The following LPCAT1 variants were observed in gnomAD, a reference collection of about 807,000 sequenced individuals.
The protein encoded by LPCAT1 is 1-acylglycerol-3-phosphate O-acyltransferase.
Under a neutral mutation model 60.9 loss-of-function variants are expected in LPCAT1, and 23 were observed. That is an observed-to-expected ratio of 0.38 (90% CI 0.27 to 0.53). The LOEUF (loss-of-function observed/expected upper bound fraction) is 0.53, where lower values mean the gene tolerates loss of function less well. LPCAT1 is among the 20% of genes least tolerant of loss of function. The probability of loss-of-function intolerance (pLI) is 0.82; values close to 1 mark genes in which losing one functional copy is unlikely to be tolerated. For synonymous variants in LPCAT1, 340 were observed against 301.1 expected (o/e 1.13, Z -1.34); for missense variants, 622 against 723.6 (o/e 0.86, Z 1.61).
At position 1,523,833 on chromosome 5, in the gene LPCAT1, C is replaced by G. The variant is rs933505068; in HGVS notation, c.12G>C (p.Arg4=). 2.0e-4 allele frequency: 216 copies of G among 1,074,310 alleles called. No individual in the cohort carries two copies. Among genetic ancestry groups the G allele is most frequent in the Non-Finnish European group, 2.3e-4 (205 of 887,762 alleles). The allele number at this position is 1,074,310 out of a possible 1,614,324, so 66.5% of individuals were successfully genotyped here. A position where few individuals can be genotyped will look rare whatever the true frequency, so the allele number is the denominator to read the frequency against. Residue 4 remains arginine, a synonymous_variant, in exon 1 of 14, where the codon CGG becomes CGC. Coordinates refer to ENST00000283415, the MANE Select transcript of LPCAT1 (RefSeq NM_024830.5). This position sits in a 1 kb window ranked among gnomAD's most constrained non-coding sequence, Gnocchi z 7.1. Reference sequence around the variant, plus strand: ...CAGGGGCGGCCCGGGGTCCGCATCCCCGCAGCCTCATGGCCGCGCCGTCCC... The same window carrying G: ...CAGGGGCGGCCCGGGGTCCGCATCCGCGCAGCCTCATGGCCGCGCCGTCCC... MRL[R]GCGPRAAPAS...
intron 1 of LPCAT1, among the ~76,000 whole-genome samples, chr5:1,511,862 C>T (rs1736365689): frequency 6.6e-6 from 1 of 152,238 alleles, no homozygotes; most frequent in Admixed American, 6.5e-5. Flanking sequence ...GATGGTGGCA[C>T]CCTCCTGCTT....
Position 1,466,903 on chromosome 5 carries a change from C to T in LPCAT1, c.1279-13G>A, listed in dbSNP as rs1266176670. ...GCGCTCCGTACATCTGCAAGGCAAACTGGGTGTCACCTTGCAGCCTCCTCC... is the reference window on the plus strand; with the variant it reads ...GCGCTCCGTACATCTGCAAGGCAAATTGGGTGTCACCTTGCAGCCTCCTCC... On this transcript the variant is annotated splice_polypyrimidine_tract_variant and intron_variant, in intron 12 of 13. Coordinates refer to ENST00000283415, the MANE Select transcript of LPCAT1 (RefSeq NM_024830.5). 2 of 1,552,650 alleles carry T rather than the reference C, an allele frequency of 1.3e-6. No individual in the cohort carries two copies. The highest frequency in any genetic ancestry group is 1.7e-4 in the Middle Eastern group (1 of 5,804).
intron 2 of LPCAT1, among the ~76,000 whole-genome samples, chr5:1,497,198 C>T (rs1285050392): frequency 1.3e-5 from 2 of 152,190 alleles, no homozygotes; most frequent in African/African-American, 4.8e-5. Flanking sequence ...TCTCAGAAAC[C>T]AAGACTGTCA....
chr5:1,509,866 T>C lies in LPCAT1; in HGVS notation c.136-8263A>G, dbSNP rs146963089. On this transcript the variant is annotated intron_variant, in intron 1 of 13. Transcript: ENST00000283415. ...CTCTCTCTGCACACACAACCACTCT[T>C]ACCTTTGGAGCCCGAGGCACGGCCC... 2.0e-3 allele frequency among the ~76,000 whole-genome samples: 311 copies of C among 152,296 alleles called. 2 individuals are homozygous for C. Among genetic ancestry groups the C allele is most frequent in the African/African-American group, 6.6e-3 (275 of 41,560 alleles).
chr5:1,470,493 G>A (rs1342915315), intron 12 of LPCAT1, among the ~76,000 whole-genome samples: 1 of 152,212 alleles, frequency 6.6e-6, no homozygotes, highest in Non-Finnish European at 1.5e-5. Flanking sequence ...GTCTGAGGGG[G>A]AGAGAGGACA....
At chr5:1,475,216 G>T (rs545558565) in intron 9 of LPCAT1, among the ~76,000 whole-genome samples, 1 of 152,352 alleles carries the variant, frequency 6.6e-6, no homozygotes, top group East Asian at 1.9e-4. Context: ...TGCCTCTCTA[G>T]TCCTAGTTGA....
intron 2 of LPCAT1, among the ~76,000 whole-genome samples, chr5:1,498,463 C>T (rs912997703): frequency 3.9e-5 from 6 of 152,174 alleles, no homozygotes; most frequent in African/African-American, 1.2e-4. Flanking sequence ...CACAAGCATC[C>T]GTGCATACTC....
intron 12 of LPCAT1, among the ~76,000 whole-genome samples, chr5:1,468,139 C>T (rs1250034243): frequency 1.3e-5 from 2 of 152,162 alleles, no homozygotes; most frequent in African/African-American, 4.8e-5. Context: ...GCGTTCACAC[C>T]CTCTTCCCGG....
At chr5:1,519,855 C>T (rs1027224246) in intron 1 of LPCAT1, among the ~76,000 whole-genome samples, 5 of 152,238 alleles carry the variant, frequency 3.3e-5, no homozygotes, top group African/African-American at 9.6e-5. Flanking sequence ...CCTGTACAGC[C>T]CTGGCCTTCT....
intron 5 of LPCAT1, among the ~76,000 whole-genome samples, chr5:1,485,877 T>C (rs565719321): frequency 4.5e-4 from 68 of 152,288 alleles, no homozygotes; most frequent in South Asian, 8.3e-4. Context: ...TGTGGCCCAG[T>C]GAGAGCTGCG....
At position 1,465,421 on chromosome 5, in the gene LPCAT1, GCA is replaced by G. The variant is rs66975451; in HGVS notation, c.1420+1326_1420+1327del. 7.7e-3 allele frequency among the ~76,000 whole-genome samples: 1,110 copies of G among 143,320 alleles called. 28 individuals are homozygous for G. Among genetic ancestry groups the G allele is most frequent in the African/African-American group, 0.026 (984 of 38,144 alleles). The allele number at this position is 143,320 out of a possible 152,430, so 94.0% of individuals were successfully genotyped here. On this transcript the variant is annotated intron_variant, in intron 13 of 13. Transcript: ENST00000283415. ...ATGCACACATGGTAACTACACACAT[GCA>G]CACACACACAAAACAAGCGCAGGTA...
At chr5:1,490,918 C>A (rs936405718) in intron 3 of LPCAT1, among the ~76,000 whole-genome samples, 1 of 152,218 alleles carries the variant, frequency 6.6e-6, no homozygotes, top group African/African-American at 2.4e-5. Flanking sequence ...CCACCACGGG[C>A]TCCTAGGCTG....
intron 5 of LPCAT1, among the ~76,000 whole-genome samples, chr5:1,484,182 A>T (rs1735283419): frequency 6.6e-6 from 1 of 152,190 alleles, no homozygotes; most frequent in Admixed American, 6.5e-5. Context: ...CTCCCAAGGA[A>T]TCAGGAGGAG....
In LPCAT1 at chr5:1,480,946, C is replaced by T. The variant is rs765468332; in HGVS notation, c.757G>A (p.Gly253Arg). ...ACGACACGGCGTTCAACTTACGCTC[C>T]AGGTCCTTGCCACGTCCATGTGATG... The part of the protein sequence containing the change: ...DTITWTWQGP[G>R]ALEILWLTLC... The change falls in exon 7 of 14, where the codon GGA becomes AGA. Residue 253 changes from glycine (G) to arginine (R), a missense_variant. Around this residue, in one of 3 missense-constraint regions of LPCAT1, gnomAD observed 209 missense variants for 325.5 expected, o/e 0.64. Coordinates refer to ENST00000283415, the MANE Select transcript of LPCAT1 (RefSeq NM_024830.5). The surrounding 1 kb of genome is among the most constrained non-coding windows in gnomAD (Gnocchi z 6.4). The T allele has an allele frequency of 1.2e-6, 2 of 1,613,878 alleles. No homozygotes were observed. Among genetic ancestry groups the T allele is most frequent in the Non-Finnish European group, 1.7e-6 (2 of 1,180,012 alleles).
At chr5:1,500,265 T>C (rs1003941821) in intron 2 of LPCAT1, among the ~76,000 whole-genome samples, 3 of 152,268 alleles carry the variant, frequency 2.0e-5, no homozygotes, top group Non-Finnish European at 4.4e-5. Context: ...TGGTAACTTT[T>C]AAGATACTGA....
At chr5:1,508,085 C>T (rs759618079) in intron 1 of LPCAT1, among the ~76,000 whole-genome samples, 1 of 152,188 alleles carries the variant, frequency 6.6e-6, no homozygotes, top group African/African-American at 2.4e-5. Flanking sequence ...CCAAATCTGC[C>T]GGCATCTTGG....
At position 1,476,614 on chromosome 5, in the gene LPCAT1, T is replaced by C. The variant is rs1734929903; in HGVS notation, c.899+790A>G. On this transcript the variant is annotated intron_variant, in intron 9 of 13. Coordinates refer to ENST00000283415, the MANE Select transcript of LPCAT1 (RefSeq NM_024830.5). The surrounding 1 kb of genome is among the most constrained non-coding windows in gnomAD (Gnocchi z 8.6). The stretch of plus-strand genomic sequence containing the variant: ...GACCGAGGCTGATGTGGCTTCCAAG[T>C]GGCTCCTGCAGCTCAGGTCTGGCAG... Among the ~76,000 whole-genome samples the C allele has an allele frequency of 6.6e-6, 1 of 151,996 alleles. No individual in the cohort carries two copies. Among genetic ancestry groups the C allele is most frequent in the Non-Finnish European group, 1.5e-5 (1 of 67,970 alleles).
At chr5:1,490,753 T>C (rs1735546608) in intron 3 of LPCAT1, among the ~76,000 whole-genome samples, 1 of 152,200 alleles carries the variant, frequency 6.6e-6, no homozygotes, top group African/African-American at 2.4e-5. Flanking sequence ...CACCTGTCTT[T>C]ATGCAAGAGG....
At chr5:1,498,120 A>G (rs1441402591) in intron 2 of LPCAT1, among the ~76,000 whole-genome samples, 3 of 152,266 alleles carry the variant, frequency 2.0e-5, no homozygotes, top group African/African-American at 7.2e-5. Context: ...ACTCAACATC[A>G]ATCTATTCAA....
Sources: gnomAD v4.1 joint callset for allele counts (sites outside exome capture counted in the v4.1 genomes callset) on GRCh38, gnomAD v4.1.1 for gene constraint, gnomAD v4.1.1 regional missense constraint, Gnocchi (gnomAD v3.1) non-coding constraint, MANE v1.5 for transcripts, NCBI Gene and HGNC (gene_info 2026-07-23, HGNC 2026-07-21) for gene names.